The following RPS6KA5 variants were observed in gnomAD, a reference collection of about 807,000 sequenced individuals.
The protein encoded by RPS6KA5 is ribosomal protein S6 kinase A5, also known as ribosomal protein S6 kinase alpha-5.
A neutral mutation model predicts 85.5 loss-of-function variants in RPS6KA5; 27 were observed. The ratio of observed to expected loss-of-function variants is 0.32; its 90% confidence interval spans 0.23 to 0.44. The LOEUF (loss-of-function observed/expected upper bound fraction) is 0.44, where lower values mean the gene tolerates loss of function less well. Among genes scored for constraint, RPS6KA5 ranks in the 20% least tolerant of loss-of-function variants. The pLI is 1.00. For missense variants in RPS6KA5, 811 were observed against 980.9 expected (o/e 0.83, Z 2.31); for synonymous variants, 334 against 348.2 (o/e 0.96, Z 0.46).
intron 1 of RPS6KA5, among the ~76,000 whole-genome samples, chr14:91,013,088 C>G (rs78790409): frequency 6.6e-6 from 1 of 152,134 alleles, no homozygotes; most frequent in Non-Finnish European, 1.5e-5. Flanking sequence ...CAAGGCAATG[C>G]CCCCAGTGTA....
At chr14:90,903,183 G>A (rs950465683) in intron 8 of RPS6KA5, among the ~76,000 whole-genome samples, 9 of 152,050 alleles carry the variant, frequency 5.9e-5, no homozygotes, top group African/African-American at 2.2e-4. Flanking sequence ...TGAGACTATC[G>A]CTGTTGAATC....
intron 1 of RPS6KA5, among the ~76,000 whole-genome samples, chr14:91,031,523 G>A (rs1019639111): frequency 3.3e-5 from 5 of 152,060 alleles, no homozygotes; most frequent in Non-Finnish European, 5.9e-5. Context: ...TGGAAGAGAC[G>A]GAACAGAGTT....
At chr14:91,010,038 T>A (rs1428229798) in intron 1 of RPS6KA5, among the ~76,000 whole-genome samples, 2 of 139,500 alleles carry the variant, frequency 1.4e-5, no homozygotes, top group African/African-American at 3.0e-5. Context: ...CAACAGCGAT[T>A]TTTTTTTTTT....
intron 1 of RPS6KA5, among the ~76,000 whole-genome samples, chr14:91,050,724 C>T (rs762829896): frequency 6.6e-6 from 1 of 152,076 alleles, no homozygotes; most frequent in African/African-American, 2.4e-5. Flanking sequence ...CCACCGCGCC[C>T]AGCCGGCTTG....
chr14:91,033,663 G>T (rs997406873), intron 1 of RPS6KA5, among the ~76,000 whole-genome samples: 1 of 152,128 alleles, frequency 6.6e-6, no homozygotes, highest in African/African-American at 2.4e-5. Context: ...TACTTACACA[G>T]TACTGTTAAG....
At chr14:90,882,923 G>C (rs1443961739) in intron 14 of RPS6KA5, among the ~76,000 whole-genome samples, 1 of 151,752 alleles carries the variant, frequency 6.6e-6, no homozygotes, top group East Asian at 1.9e-4. Context: ...TCAGCCTCCC[G>C]AGTAGCTGGG....
At chr14:90,905,549 A>C (rs182640429) in intron 8 of RPS6KA5, among the ~76,000 whole-genome samples, 36 of 152,282 alleles carry the variant, frequency 2.4e-4, no homozygotes, top group African/African-American at 8.4e-4. Context: ...TTTTGTACTA[A>C]ACTGAGCAGA....
At chr14:90,994,653 G>A (rs2082676100) in intron 2 of RPS6KA5, among the ~76,000 whole-genome samples, 1 of 135,590 alleles carries the variant, frequency 7.4e-6, no homozygotes, top group Non-Finnish European at 1.5e-5. Flanking sequence ...CTCACTGCAA[G>A]CTCCGCCTGC....
chr14:91,039,676 A>G (rs935214089), intron 1 of RPS6KA5, among the ~76,000 whole-genome samples: 4 of 152,214 alleles, frequency 2.6e-5, no homozygotes, highest in Non-Finnish European at 5.9e-5. Flanking sequence ...ATGTGCAGCA[A>G]TATGTGCTTA....
chr14:90,953,883 G>C (rs2038360529), intron 3 of RPS6KA5, among the ~76,000 whole-genome samples: 1 of 152,184 alleles, frequency 6.6e-6, no homozygotes, highest in African/African-American at 2.4e-5. Context: ...TACATGCACA[G>C]CTGAACACAG....
At chr14:90,912,196 TA>T (rs542123449) in intron 7 of RPS6KA5, among the ~76,000 whole-genome samples, 123 of 152,346 alleles carry the variant, frequency 8.1e-4, no homozygotes, top group African/African-American at 2.8e-3. Flanking sequence ...GCTATATAAA[TA>T]AATGTTCTTA....
At chr14:91,012,614 T>C (rs773402768) in intron 1 of RPS6KA5, among the ~76,000 whole-genome samples, 1 of 152,214 alleles carries the variant, frequency 6.6e-6, no homozygotes, top group African/African-American at 2.4e-5. Context: ...CCTCAATTAC[T>C]GGGAGAGCTG....
At chr14:91,023,705 T>C (rs2041880952) in intron 1 of RPS6KA5, among the ~76,000 whole-genome samples, 1 of 152,102 alleles carries the variant, frequency 6.6e-6, no homozygotes, top group Non-Finnish European at 1.5e-5. Context: ...GCTCCAGTGC[T>C]GCCTTGCTTT....
chr14:90,856,961 C>CT lies in RPS6KA5; in HGVS notation c.*15112dup, dbSNP rs1464428685. On this transcript the variant is annotated 3_prime_UTR_variant, in exon 17 of 17. Coordinates refer to ENST00000614987, the MANE Select transcript of RPS6KA5 (RefSeq NM_004755.4). ...GTTTCTTTACCTTTAACTGGTAGTT[C>CT]TTCAGCCATTCCAAAGGGGCTACAA... is the stretch of plus-strand genomic sequence containing the variant. 1.3e-5 allele frequency: 2 copies of CT among 152,960 alleles called. No individual in the cohort carries two copies. The highest frequency in any genetic ancestry group is 4.8e-5 in the African/African-American group (2 of 41,432). 9.5% of individuals were successfully genotyped at this position (152,960 alleles called of 1,614,324 possible). A position where few individuals can be genotyped will look rare whatever the true frequency, so the allele number is the denominator to read the frequency against.
At chr14:91,003,966 AG>A (rs2040895294) in intron 1 of RPS6KA5, among the ~76,000 whole-genome samples, 1 of 152,270 alleles carries the variant, frequency 6.6e-6, no homozygotes, top group South Asian at 2.1e-4. Flanking sequence ...GTCCTTAAGC[AG>A]GTCCATGTGA....
At chr14:91,045,475 G>A (rs1323517194) in intron 1 of RPS6KA5, among the ~76,000 whole-genome samples, 1 of 152,168 alleles carries the variant, frequency 6.6e-6, no homozygotes, top group Non-Finnish European at 1.5e-5. Context: ...TGTTGGCCAG[G>A]CTGGTCTCGA....
chr14:90,875,472 T>C, intron 14 of RPS6KA5, 112 bp from the exon 15 acceptor site: 1 of 941,356 alleles, frequency 1.1e-6, no homozygotes, highest in Non-Finnish European at 1.6e-6. Flanking sequence ...ACAACTAGCA[T>C]GATTGAGTTT....
At chr14:90,925,875 G>A (rs1177854104) in intron 5 of RPS6KA5, among the ~76,000 whole-genome samples, 2 of 142,248 alleles carry the variant, frequency 1.4e-5, no homozygotes. Flanking sequence ...GCAGGAGATC[G>A]AGGCTGCAGT....
At chr14:90,888,746 CATA>C (rs1396868763) in intron 14 of RPS6KA5, among the ~76,000 whole-genome samples, 12 of 152,064 alleles carry the variant, frequency 7.9e-5, no homozygotes, top group Admixed American at 2.0e-4. Context: ...GACAATCTGA[CATA>C]AAAGTCAGAT....
Sources: gnomAD v4.1 joint callset for allele counts (sites outside exome capture counted in the v4.1 genomes callset) on GRCh38, gnomAD v4.1.1 for gene constraint, MANE v1.5 for transcripts, NCBI Gene and HGNC (gene_info 2026-07-23, HGNC 2026-07-21) for gene names.